Variants in TMEM132B observed in about 807,000 individuals in gnomAD.
TMEM132B encodes transmembrane protein 132B.
A neutral mutation model predicts 90.8 loss-of-function variants in TMEM132B; 18 were observed. The observed-to-expected ratio is 0.20, with a 90% CI of 0.14 to 0.29. The LOEUF (loss-of-function observed/expected upper bound fraction) is 0.29. Ranked by LOEUF, TMEM132B falls within the 10% of genes least tolerant of loss-of-function variation. The pLI, the probability that TMEM132B is intolerant of heterozygous loss-of-function variation, is 1.00. For missense variants in TMEM132B, 1,096 were observed against 1,326.8 expected (o/e 0.83, Z 2.70); for synonymous variants, 504 against 523.3 (o/e 0.96, Z 0.50).
At chr12:125,241,614 G>A (rs1413479325) in intron 1 of TMEM132B, among the ~76,000 whole-genome samples, 1 of 152,182 alleles carries the variant, frequency 6.6e-6, no homozygotes, top group African/African-American at 2.4e-5. Flanking sequence ...AGCCTTCAGA[G>A]GAAGCATGGT....
Position 125,246,661 on chromosome 12 carries a change from GA to G in TMEM132B, c.67+59797del, listed in dbSNP as rs1481328262. On this transcript the variant is annotated intron_variant, in intron 1 of 8. Coordinates refer to ENST00000682704, the MANE Select transcript of TMEM132B (RefSeq NM_001366854.1). This position sits in a 1 kb window ranked among gnomAD's most constrained non-coding sequence, Gnocchi z 4.2. The stretch of plus-strand genomic sequence containing the variant: ...CCCTGGTTCCAGTGTTGGCTTCAGA[GA>G]ACAAACAAATACTGATTTTTCCATT... Among the ~76,000 whole-genome samples the G allele has an allele frequency of 6.6e-6, 1 of 152,206 alleles. No individual in the cohort carries two copies. The highest frequency in any genetic ancestry group is 1.5e-5 in the Non-Finnish European group (1 of 68,048).
At chr12:125,496,801 C>G (rs1882573167) in intron 3 of TMEM132B, among the ~76,000 whole-genome samples, 1 of 152,226 alleles carries the variant, frequency 6.6e-6, no homozygotes, top group African/African-American at 2.4e-5. Context: ...TCTACCCCCA[C>G]TTCTTTCTGT....
At chr12:125,632,490 G>T (rs981222606) in intron 5 of TMEM132B, among the ~76,000 whole-genome samples, 4 of 152,042 alleles carry the variant, frequency 2.6e-5, no homozygotes, top group African/African-American at 7.2e-5. Context: ...AGTGAGTTTT[G>T]CACCTTCAGG....
In TMEM132B at chr12:125,307,346, AT is replaced by A. The variant is rs547371201; in HGVS notation, c.68-42105del. Among the ~76,000 whole-genome samples, 7 of 152,270 alleles carry A rather than the reference AT, an allele frequency of 4.6e-5. 1 individual carries two copies. The South Asian group carries it at 1.4e-3, about 32-fold the overall frequency. On this transcript the variant is annotated intron_variant, in intron 1 of 8. Transcript: ENST00000682704. Reference sequence around the variant, plus strand: ...TTTCGTGCAGTATCATGACAAACCCATGGATTTAAATACGACTAATGTGTTT... The same window carrying A: ...TTTCGTGCAGTATCATGACAAACCCAGGATTTAAATACGACTAATGTGTTT...
chr12:125,630,817 AC>A (rs2136994646), intron 5 of TMEM132B, among the ~76,000 whole-genome samples: 1 of 152,164 alleles, frequency 6.6e-6, no homozygotes, highest in African/African-American at 2.4e-5. Context: ...TTTAGCTGAC[AC>A]TTATAAGTGA....
chr12:125,378,280 C>T (rs551837965), intron 2 of TMEM132B, among the ~76,000 whole-genome samples: 59 of 152,276 alleles, frequency 3.9e-4, no homozygotes, highest in African/African-American at 1.4e-3. Context: ...AACAATAAAT[C>T]CAGGAAGACT....
intron 5 of TMEM132B, among the ~76,000 whole-genome samples, chr12:125,630,699 C>T (rs949387922): frequency 5.9e-5 from 9 of 151,914 alleles, no homozygotes; most frequent in South Asian, 2.1e-4. Context: ...CCAGGTACTA[C>T]GCCTAGTACC....
intron 3 of TMEM132B, among the ~76,000 whole-genome samples, chr12:125,424,711 C>T (rs1053193101): frequency 1.1e-4 from 17 of 152,238 alleles, no homozygotes; most frequent in African/African-American, 2.9e-4. Flanking sequence ...CAGTGGCTGA[C>T]GCTAGTTAAA....
chr12:125,234,861 G>GGT (rs1873898860), intron 1 of TMEM132B, among the ~76,000 whole-genome samples: 1 of 152,146 alleles, frequency 6.6e-6, no homozygotes, highest in South Asian at 2.1e-4. Context: ...TTTATCTTAG[G>GGT]GTGCAGGCTG....
At chr12:125,634,540 A>T (rs776135270) in intron 5 of TMEM132B, among the ~76,000 whole-genome samples, 1 of 152,208 alleles carries the variant, frequency 6.6e-6, no homozygotes, top group Non-Finnish European at 1.5e-5. Flanking sequence ...GTTTCACCTG[A>T]AGCCAGCAAA....
chr12:125,200,729 A>G (rs927193394), intron 1 of TMEM132B, among the ~76,000 whole-genome samples: 3 of 152,192 alleles, frequency 2.0e-5, no homozygotes, highest in Middle Eastern at 3.2e-3. Flanking sequence ...TTAACAGAGA[A>G]ATGTCGAGCC....
intron 2 of TMEM132B, among the ~76,000 whole-genome samples, chr12:125,409,390 C>A (rs1220254668): frequency 1.3e-5 from 2 of 152,174 alleles, no homozygotes; most frequent in African/African-American, 2.4e-5. Flanking sequence ...GCTACTGGAA[C>A]CCGAGGAGCC....
At chr12:125,237,750 C>T (rs1057515402) in intron 1 of TMEM132B, among the ~76,000 whole-genome samples, 11 of 152,202 alleles carry the variant, frequency 7.2e-5, no homozygotes, top group South Asian at 2.1e-4. Context: ...TGCCCGGCCA[C>T]GTTGGCGTAC....
chr12:125,269,886 C>T (rs1874786766), intron 1 of TMEM132B, among the ~76,000 whole-genome samples: 1 of 152,010 alleles, frequency 6.6e-6, no homozygotes, highest in African/African-American at 2.4e-5. Flanking sequence ...GGTCTCTCTT[C>T]ATGGTCCAAG....
At chr12:125,286,210 A>G (rs1283913777) in intron 1 of TMEM132B, among the ~76,000 whole-genome samples, 1 of 152,250 alleles carries the variant, frequency 6.6e-6, no homozygotes, top group South Asian at 2.1e-4. Flanking sequence ...AAGATCACAC[A>G]GCCAGTAGCG....
intron 1 of TMEM132B, among the ~76,000 whole-genome samples, chr12:125,290,177 A>G (rs1474598628): frequency 1.3e-5 from 2 of 152,204 alleles, no homozygotes; most frequent in African/African-American, 2.4e-5. Flanking sequence ...TAATTCATTC[A>G]AGTAGCTCAT....
At chr12:125,598,539 C>T (rs1197998630) in intron 5 of TMEM132B, among the ~76,000 whole-genome samples, 1 of 152,046 alleles carries the variant, frequency 6.6e-6, no homozygotes, top group East Asian at 1.9e-4. Flanking sequence ...GGCTAATAGC[C>T]CCAAGAGTGC....
At chr12:125,620,515 G>A (rs1344590748) in intron 5 of TMEM132B, among the ~76,000 whole-genome samples, 2 of 152,148 alleles carry the variant, frequency 1.3e-5, no homozygotes, top group African/African-American at 2.4e-5. Context: ...CCAGCTTAAT[G>A]TGCTGTCTTT....
intron 4 of TMEM132B, among the ~76,000 whole-genome samples, chr12:125,543,094 A>C (rs1883997792): frequency 6.6e-6 from 1 of 152,196 alleles, no homozygotes; most frequent in South Asian, 2.1e-4. Context: ...GGGGTTTTAG[A>C]AACAGCTGAA....
Sources: allele counts gnomAD v4.1 joint callset (sites outside exome capture counted in the v4.1 genomes callset), GRCh38; gene constraint gnomAD v4.1.1; non-coding constraint Gnocchi (gnomAD v3.1); transcripts MANE v1.5; gene names NCBI Gene and HGNC (gene_info 2026-07-23, HGNC 2026-07-21).